OR2L13: variants seen among roughly 807,000 people sequenced by gnomAD.
The protein encoded by OR2L13 is olfactory receptor 2L13.
Under a neutral mutation model 15.3 loss-of-function variants are expected in OR2L13, and 14 were observed. That is an observed-to-expected ratio of 0.91 (90% confidence interval 0.60 to 1.43). The LOEUF is 1.43. Ranked by LOEUF, OR2L13 falls within the 40% of genes most tolerant of loss-of-function variation. The pLI is 0.00. For missense variants in OR2L13, 367 were observed against 387.9 expected, an observed-to-expected ratio of 0.95 and a Z score of 0.45; for synonymous variants, 152 against 142.9, an observed-to-expected ratio of 1.06 and a Z score of -0.45.
chr1:247,988,038 G>A, the OR2L13 span, among the ~76,000 whole-genome samples: 582 of 151,966 alleles, frequency 3.8e-3, 6 homozygotes, highest in African/African-American at 0.013. Flanking sequence ...TGTTTTCAAG[G>A]AGACACAATT....
At chr1:247,954,991 A>G in the OR2L13 span, among the ~76,000 whole-genome samples, 1 of 151,984 alleles carries the variant, frequency 6.6e-6, no homozygotes, top group African/African-American at 2.4e-5. Context: ...GTACATGTGC[A>G]TAACGTGCAG....
At chr1:247,959,069 A>T in the OR2L13 span, among the ~76,000 whole-genome samples, 1 of 152,172 alleles carries the variant, frequency 6.6e-6, no homozygotes. Flanking sequence ...ATGATTTTGC[A>T]GTGGCTGGTA....
At chr1:248,009,406 T>G in the OR2L13 span, among the ~76,000 whole-genome samples, 1 of 152,050 alleles carries the variant, frequency 6.6e-6, no homozygotes, top group Non-Finnish European at 1.5e-5. Flanking sequence ...TCTACACAAA[T>G]AAACTAGAAA....
At chr1:248,073,730 A>G in the OR2L13 span, among the ~76,000 whole-genome samples, 1 of 151,892 alleles carries the variant, frequency 6.6e-6, no homozygotes, top group African/African-American at 2.4e-5. Flanking sequence ...ATGATCTTTC[A>G]TTAATGAAAG....
the OR2L13 span, among the ~76,000 whole-genome samples, chr1:248,085,734 T>C: frequency 1.5e-4 from 23 of 152,310 alleles, no homozygotes; most frequent in African/African-American, 5.1e-4. Flanking sequence ...TTTAAACCAG[T>C]GGTCCCCAAA....
At chr1:247,969,366 A>G in the OR2L13 span, among the ~76,000 whole-genome samples, 8 of 152,052 alleles carry the variant, frequency 5.3e-5, no homozygotes, top group African/African-American at 1.7e-4. Flanking sequence ...CCATTTGTCA[A>G]TTTTGGCTTT....
chr1:248,090,663 C>T (rs534385241), upstream of OR2L13, among the ~76,000 whole-genome samples: 37 of 152,254 alleles, frequency 2.4e-4, no homozygotes, highest in Admixed American at 5.9e-4. Flanking sequence ...ATATGTACTA[C>T]GTTTTCTTTA....
the OR2L13 span, among the ~76,000 whole-genome samples, chr1:247,986,338 A>G: frequency 1.3e-5 from 2 of 152,220 alleles, no homozygotes; most frequent in South Asian, 2.1e-4. Context: ...ATGGCTAGCC[A>G]GTTTTCCCCG....
At chr1:248,012,419 G>T in the OR2L13 span, among the ~76,000 whole-genome samples, 1 of 152,044 alleles carries the variant, frequency 6.6e-6, no homozygotes, top group Non-Finnish European at 1.5e-5. Flanking sequence ...GGATCCCAGT[G>T]GGCAGTCTTG....
the OR2L13 span, among the ~76,000 whole-genome samples, chr1:248,045,611 A>G: frequency 1.3e-5 from 2 of 152,224 alleles, no homozygotes; most frequent in East Asian, 1.9e-4. Context: ...GGCACCTACT[A>G]TTACGTTAAA....
At chr1:248,023,200 GTTAA>G in the OR2L13 span, 9 of 176,024 alleles carry the variant, frequency 5.1e-5, no homozygotes, top group East Asian at 1.5e-4. Context: ...ATAGTTATAT[GTTAA>G]TTGTTTCCCA....
At chr1:248,024,410 T>G in the OR2L13 span, 2 of 152,204 alleles carry the variant, frequency 1.3e-5, no homozygotes, top group Non-Finnish European at 2.9e-5. Context: ...TGAACTTATC[T>G]TTTCATTGTA....
the OR2L13 span, among the ~76,000 whole-genome samples, chr1:248,075,131 T>A: frequency 6.6e-6 from 1 of 152,208 alleles, no homozygotes. Context: ...TATTTGGTTT[T>A]CTGTCCTTGT....
chr1:248,047,422 G>A, the OR2L13 span, among the ~76,000 whole-genome samples: 6 of 152,206 alleles, frequency 3.9e-5, no homozygotes, highest in African/African-American at 1.4e-4. Flanking sequence ...GGGCATTAAA[G>A]TAAAGGTACA....
the OR2L13 span, among the ~76,000 whole-genome samples, chr1:247,960,732 C>T: frequency 1.3e-5 from 2 of 152,222 alleles, no homozygotes; most frequent in Admixed American, 1.3e-4. Context: ...GCGTAGGACC[C>T]TCTGAGCTAG....
chr1:248,011,454 T>A, the OR2L13 span, among the ~76,000 whole-genome samples: 1 of 152,102 alleles, frequency 6.6e-6, no homozygotes, highest in African/African-American at 2.4e-5. Context: ...GAGGAGTATC[T>A]TTGTGGTGTT....
chr1:248,008,810 A>G, the OR2L13 span, among the ~76,000 whole-genome samples: 1 of 152,232 alleles, frequency 6.6e-6, no homozygotes, highest in Admixed American at 6.5e-5. Context: ...CAGCAAATGC[A>G]AAAGATTGGA....
At chr1:248,034,743 A>G in the OR2L13 span, among the ~76,000 whole-genome samples, 1 of 152,206 alleles carries the variant, frequency 6.6e-6, no homozygotes, top group African/African-American at 2.4e-5. Context: ...ATACTATTGT[A>G]AATAAAATCA....
chr1:247,996,232 A>T, the OR2L13 span, among the ~76,000 whole-genome samples: 1 of 152,314 alleles, frequency 6.6e-6, no homozygotes, highest in South Asian at 2.1e-4. Flanking sequence ...CAGTCTCCCC[A>T]TAGGTGGAAT....
Sources: gnomAD v4.1 joint callset for allele counts (sites outside exome capture counted in the v4.1 genomes callset) on GRCh38, gnomAD v4.1.1 for gene constraint, MANE v1.5 for transcripts, NCBI Gene and HGNC (gene_info 2026-07-23, HGNC 2026-07-21) for gene names.